ANO10: variants seen among roughly 807,000 people sequenced by gnomAD.
The protein encoded by ANO10 is anoctamin 10.
A neutral mutation model predicts 74.7 loss-of-function variants in ANO10; 77 were observed. That is an observed-to-expected ratio of 1.03 (90% CI 0.86 to 1.25). ANO10 has a LOEUF of 1.25. ANO10 is among the 50% of genes most tolerant of loss of function. ANO10 has a pLI of 0.00. For synonymous variants in ANO10, 279 were observed against 284.9 expected (o/e 0.98, Z 0.21); for missense variants, 721 against 778.1 (o/e 0.93, Z 0.87).
At chr3:43,394,983 C>CTA (rs1318402357) in intron 12 of ANO10, among the ~76,000 whole-genome samples, 1 of 152,042 alleles carries the variant, frequency 6.6e-6, no homozygotes, top group Non-Finnish European at 1.5e-5. Flanking sequence ...TTTTAGGAAA[C>CTA]TATGATTTTG....
chr3:43,407,797 G>T (rs1056005899), intron 12 of ANO10, among the ~76,000 whole-genome samples: 1 of 152,220 alleles, frequency 6.6e-6, no homozygotes, highest in African/African-American at 2.4e-5. Flanking sequence ...CCAGCAGGGT[G>T]AAGAGAATGT....
intron 4 of ANO10, among the ~76,000 whole-genome samples, chr3:43,586,354 G>C (rs1276063411): frequency 6.6e-6 from 1 of 152,068 alleles, no homozygotes; most frequent in Non-Finnish European, 1.5e-5. Flanking sequence ...ATCCCTGCAA[G>C]AACAGGGCTC....
At chr3:43,652,701 A>G (rs1443315806) in intron 1 of ANO10, among the ~76,000 whole-genome samples, 2 of 152,176 alleles carry the variant, frequency 1.3e-5, no homozygotes, top group African/African-American at 4.8e-5. Flanking sequence ...TACTAGAAGA[A>G]AGTATAGTTG....
chr3:43,549,737 T>C lies in ANO10; in HGVS notation c.1780A>G (p.Ile594Val). ...FPESKADLIL[I>V]VVAVEHALLA... ...TTACTTACCTCCACTGCTACTACAA[T>C]CAAAATGAGGTCTGCTTTTGATTCT... Residue 594 changes from isoleucine to valine, a missense_variant, in exon 11 of 13, where the codon ATT becomes GTT. Physicochemically the swap from Ile to Val is conservative, Grantham distance 29. Coordinates refer to ENST00000292246, the MANE Select transcript of ANO10 (RefSeq NM_018075.5). 2 of 1,614,036 alleles carry C rather than the reference T, an allele frequency of 1.2e-6. No homozygotes were observed. Among genetic ancestry groups the C allele is most frequent in the Non-Finnish European group, 1.7e-6 (2 of 1,179,930 alleles).
intron 11 of ANO10, among the ~76,000 whole-genome samples, chr3:43,434,664 G>T (rs2093039977): frequency 6.6e-6 from 1 of 152,198 alleles, no homozygotes; most frequent in Non-Finnish European, 1.5e-5. Flanking sequence ...AAAATATCCT[G>T]CTGAGGAAGG....
At chr3:43,590,105 G>A (rs1201951675) in intron 4 of ANO10, among the ~76,000 whole-genome samples, 1 of 151,940 alleles carries the variant, frequency 6.6e-6, no homozygotes, top group Non-Finnish European at 1.5e-5. Context: ...GAAACTAATG[G>A]AAAATAAACA....
intron 1 of ANO10, among the ~76,000 whole-genome samples, chr3:43,620,495 T>C (rs539701370): frequency 3.3e-5 from 5 of 152,234 alleles, no homozygotes; most frequent in East Asian, 1.9e-4. Context: ...ATGAAAAAAG[T>C]TGGCCAGCAC....
Position 43,591,448 on chromosome 3 carries a change from A to G in ANO10, c.472+7084T>C, listed in dbSNP as rs377394564. ...GCTATAACACTCACTGCATGGCCCA[A>G]GGATCCATTCCTTGGAATCCGTGAG... is the stretch of plus-strand genomic sequence containing the variant. On this transcript the variant is annotated intron_variant, in intron 4 of 12. Coordinates refer to ENST00000292246, the MANE Select transcript of ANO10 (RefSeq NM_018075.5). Among the ~76,000 whole-genome samples the G allele has an allele frequency of 2.8e-3, 419 of 152,292 alleles. 3 individuals are homozygous for G. The highest frequency in any genetic ancestry group is 9.4e-3 in the African/African-American group (392 of 41,566).
chr3:43,461,633 T>G (rs2149028364), intron 11 of ANO10, among the ~76,000 whole-genome samples: 1 of 152,342 alleles, frequency 6.6e-6, no homozygotes, highest in East Asian at 1.9e-4. Flanking sequence ...TCTCTCCCTT[T>G]GCCTGCTGCC....
chr3:43,612,607 T>C (rs1045196539), intron 1 of ANO10, among the ~76,000 whole-genome samples: 1 of 152,230 alleles, frequency 6.6e-6, no homozygotes, highest in Non-Finnish European at 1.5e-5. Flanking sequence ...TTTCAGACTT[T>C]GGACTTACTT....
At chr3:43,534,757 T>C (rs2078630004) in intron 11 of ANO10, among the ~76,000 whole-genome samples, 1 of 152,224 alleles carries the variant, frequency 6.6e-6, no homozygotes, top group Non-Finnish European at 1.5e-5. Context: ...CAGCAGGCAC[T>C]GCTCCTGCTC....
At chr3:43,473,673 G>A (rs7618521) in intron 11 of ANO10, among the ~76,000 whole-genome samples, 66 of 152,294 alleles carry the variant, frequency 4.3e-4, no homozygotes, top group African/African-American at 1.1e-3. Context: ...CAACCTCAGC[G>A]TTTCTCAACC....
intron 11 of ANO10, among the ~76,000 whole-genome samples, chr3:43,502,840 G>C (rs1425759270): frequency 6.6e-6 from 1 of 152,140 alleles, no homozygotes; most frequent in Non-Finnish European, 1.5e-5. Context: ...AAAAAGACAA[G>C]TACTATATGA....
intron 1 of ANO10, among the ~76,000 whole-genome samples, chr3:43,611,112 T>C (rs376511385): frequency 6.6e-6 from 1 of 152,302 alleles, no homozygotes; most frequent in East Asian, 1.9e-4. Flanking sequence ...CAGTTGGAGT[T>C]AGGTGAGCAT....
upstream of ANO10, among the ~76,000 whole-genome samples, chr3:43,625,493 G>A (rs935984976): frequency 1.3e-5 from 2 of 152,188 alleles, no homozygotes; most frequent in African/African-American, 4.8e-5. Flanking sequence ...TTTTAGTAGT[G>A]ATCAATCAGT....
chr3:43,460,033 GGA>G (rs2075310383), intron 11 of ANO10, among the ~76,000 whole-genome samples: 1 of 152,108 alleles, frequency 6.6e-6, no homozygotes, highest in Admixed American at 6.5e-5. Context: ...ATATCCATTT[GGA>G]GAGATCATCA....
In ANO10 at chr3:43,513,726, G is replaced by A. The variant is rs532383095; in HGVS notation, c.1797+35994C>T. On this transcript the variant is annotated intron_variant, in intron 11 of 12. Transcript: ENST00000292246. ...AGGGTTTCACCATGTTAGCCAGGAT[G>A]GTCTTGATCTCCTGACCTTGTGATC... 3.7e-4 allele frequency among the ~76,000 whole-genome samples: 56 copies of A among 152,182 alleles called. 2 individuals are homozygous for A. The South Asian group carries it at 0.011, about 29-fold the overall frequency.
chr3:43,435,127 G>A (rs1338650392), intron 11 of ANO10, among the ~76,000 whole-genome samples: 1 of 152,204 alleles, frequency 6.6e-6, no homozygotes, highest in African/African-American at 2.4e-5. Flanking sequence ...CGTCCTGATT[G>A]CTCATTTGCC....
intron 1 of ANO10, chr3:43,689,525 G>A (rs1286714015): frequency 6.6e-6 from 1 of 152,144 alleles, no homozygotes; most frequent in Non-Finnish European, 1.5e-5. Flanking sequence ...AATATTTTAT[G>A]AATTAGATCA....
Sources: allele counts gnomAD v4.1 joint callset (sites outside exome capture counted in the v4.1 genomes callset), GRCh38; gene constraint gnomAD v4.1.1; transcripts MANE v1.5; gene names NCBI Gene and HGNC (gene_info 2026-07-23, HGNC 2026-07-21).